Variants in C3orf22 observed in about 807,000 individuals in gnomAD.
C3orf22 encodes chromosome 3 open reading frame 22, also known as uncharacterized protein C3orf22.
A neutral mutation model predicts 10.8 loss-of-function variants in C3orf22; 7 were observed. That is an observed-to-expected ratio of 0.65 (90% CI 0.37 to 1.22). The LOEUF is 1.22. Ranked by LOEUF, C3orf22 falls within the 50% of genes most tolerant of loss-of-function variation. The pLI is 0.02. For missense variants in C3orf22, 173 were observed against 177.0 expected (o/e 0.98, Z 0.13); for synonymous variants, 79 against 78.9 (o/e 1.00, Z 0.00).
At chr3:126,553,138 G>A (rs1937238738) in intron 2 of C3orf22, among the ~76,000 whole-genome samples, 164 bp downstream of exon 2, 9 of 152,196 alleles carry the variant, frequency 5.9e-5, no homozygotes, top group Admixed American at 5.2e-4. Flanking sequence ...TGGGGGTAAC[G>A]AAGGCGGACC....
intron 4 of C3orf22, among the ~76,000 whole-genome samples, chr3:126,535,813 C>A (rs1576753010): frequency 6.6e-6 from 1 of 152,270 alleles, no homozygotes; most frequent in East Asian, 1.9e-4. Flanking sequence ...AGGCTACAGC[C>A]CACTGTGCCA....
At chr3:126,549,676 T>TC, downstream of C3orf22, 2 of 1,525,702 alleles carry the variant, frequency 1.3e-6, no homozygotes, top group Non-Finnish European at 1.8e-6. Flanking sequence ...GGCAAAGTGA[T>TC]CATTCCAGCT....
intron 4 of C3orf22, chr3:126,542,207 C>A (rs750870511): frequency 2.1e-6 from 3 of 1,451,128 alleles, no homozygotes; most frequent in South Asian, 1.3e-5. Context: ...CGCCCGGGCC[C>A]GCGGCCACGA....
At chr3:126,528,918 G>T (rs1482798371) in intron 5 of C3orf22, among the ~76,000 whole-genome samples, 1 of 152,268 alleles carries the variant, frequency 6.6e-6, no homozygotes, top group Non-Finnish European at 1.5e-5. Context: ...GCCCCTAGGG[G>T]AAGGAATGGG....
At chr3:126,558,172 T>C (rs1937397218) in intron 1 of C3orf22, among the ~76,000 whole-genome samples, 1 of 152,238 alleles carries the variant, frequency 6.6e-6, no homozygotes, top group Admixed American at 6.5e-5. Context: ...CTTCATTTTT[T>C]TTCTACCTGA....
At chr3:126,533,209 T>C (rs1936694656) in intron 4 of C3orf22, among the ~76,000 whole-genome samples, 1 of 152,202 alleles carries the variant, frequency 6.6e-6, no homozygotes, top group Middle Eastern at 3.2e-3. Context: ...CTTTCCAACC[T>C]GGATGCCTTT....
chr3:126,539,000 T>C (rs1395836990), intron 4 of C3orf22, among the ~76,000 whole-genome samples: 1 of 152,216 alleles, frequency 6.6e-6, no homozygotes, highest in African/African-American at 2.4e-5. Context: ...CTTCCAGACA[T>C]GCTCTAGGCG....
At chr3:126,553,526 C>A in intron 1 of C3orf22, 96 bp from the exon 2 acceptor site, 1 of 763,454 alleles carries the variant, frequency 1.3e-6, no homozygotes, top group South Asian at 1.6e-5. Context: ...GCCTGCGGGC[C>A]GCCAAATGAC....
rs552342903 is a variant in C3orf22 at position 126,541,955 on chromosome 3, C to T, written c.286+7582G>A. On this transcript the variant is annotated intron_variant and NMD_transcript_variant, in intron 4 of 5. Coordinates refer to the C3orf22 transcript ENST00000505070. ...GCTGAGCGGCCAAGCCCGCGGCGAC[C>T]CGCGCGCCATCTCCGCGCAAGAGGC... 3.2e-6 allele frequency: 5 copies of T among 1,585,868 alleles called. No homozygotes were observed. In the African/African-American group the frequency reaches 4.1e-5, roughly 13 times the overall value.
chr3:126,530,297 C>T (rs1241854285), intron 4 of C3orf22, among the ~76,000 whole-genome samples: 1 of 152,248 alleles, frequency 6.6e-6, no homozygotes, highest in Non-Finnish European at 1.5e-5. Flanking sequence ...TACCCACTGG[C>T]CCCTGGGGGC....
chr3:126,549,262 C>T (rs3732535), downstream of C3orf22, among the ~76,000 whole-genome samples: 73,540 of 148,396 alleles, frequency 0.5, 20,183 homozygotes, highest in East Asian at 0.64. Context: ...CCCCCCCCCC[C>T]ACACACACAC....
At chr3:126,543,752 ATGTGTATG>A (rs905748149) in intron 4 of C3orf22, among the ~76,000 whole-genome samples, 12 of 151,816 alleles carry the variant, frequency 7.9e-5, no homozygotes, top group Non-Finnish European at 2.9e-5. Flanking sequence ...AATTGTGTGT[ATGTGTATG>A]TGTGAATGTG....
intron 4 of C3orf22, among the ~76,000 whole-genome samples, chr3:126,532,799 A>T (rs1033261459): frequency 6.6e-6 from 1 of 152,250 alleles, no homozygotes; most frequent in African/African-American, 2.4e-5. Context: ...ATTTTGGCAG[A>T]AAAAGGCAGC....
At chr3:126,545,807 G>A (rs761983166), downstream of C3orf22, among the ~76,000 whole-genome samples, 10 of 152,162 alleles carry the variant, frequency 6.6e-5, no homozygotes, top group Admixed American at 1.3e-4. Context: ...GATGACAGTC[G>A]TTTAAGGTGT....
chr3:126,553,401 G>A lies in C3orf22; in HGVS notation c.-11C>T. ...GGCACTGGAGTCCATCACTGAGTGG[G>A]TTAAGCTGAGGCACACCTCTCAGCC... On this transcript the variant is annotated 5_prime_UTR_variant, in exon 2 of 4. Transcript: ENST00000318225. The A allele has an allele frequency of 6.4e-7, 1 of 1,569,860 alleles. No homozygotes were observed. The highest frequency in any genetic ancestry group is 1.7e-5 in the Admixed American group (1 of 58,688).
chr3:126,528,031 G>C (rs1404062360), intron 5 of C3orf22, among the ~76,000 whole-genome samples: 9 of 151,660 alleles, frequency 5.9e-5, no homozygotes, highest in African/African-American at 2.2e-4. Context: ...AGCTGCATAG[G>C]AGTTTAACAG....
chr3:126,544,232 C>T (rs1937030390), intron 4 of C3orf22, among the ~76,000 whole-genome samples: 1 of 152,168 alleles, frequency 6.6e-6, no homozygotes, highest in African/African-American at 2.4e-5. Context: ...GTGTACTCAG[C>T]CCCCTCACCA....
At chr3:126,551,178 G>A (rs1937174014) in intron 3 of C3orf22, among the ~76,000 whole-genome samples, 1 of 152,174 alleles carries the variant, frequency 6.6e-6, no homozygotes, top group South Asian at 2.1e-4. Flanking sequence ...GAACGCGTGT[G>A]CATCCTCATG....
At position 126,550,082 on chromosome 3, in the gene C3orf22, G is replaced by A; in HGVS notation, c.216-4C>T. ...TGTAAAATCTGGAGCCCCGAGCCTA[G>A]AGAAGCCACACAGAGCCACGCCTGG... On this transcript the variant is annotated splice_polypyrimidine_tract_variant and splice_region_variant and intron_variant, in intron 3 of 3. Coordinates refer to ENST00000318225, the MANE Select transcript of C3orf22 (RefSeq NM_152533.3). 2 of 1,613,796 alleles carry A rather than the reference G, an allele frequency of 1.2e-6. No individual in the cohort carries two copies. Among genetic ancestry groups the A allele is most frequent in the Non-Finnish European group, 1.7e-6 (2 of 1,179,800 alleles).
Sources: gnomAD v4.1 joint callset for allele counts (sites outside exome capture counted in the v4.1 genomes callset) on GRCh38, gnomAD v4.1.1 for gene constraint, MANE v1.5 for transcripts, NCBI Gene and HGNC (gene_info 2026-07-23, HGNC 2026-07-21) for gene names.